Variants in GPR25 observed in about 807,000 individuals in gnomAD.
GPR25 encodes the protein G protein-coupled receptor 25.
For synonymous variants in GPR25, 280 were observed against 264.9 expected, an observed-to-expected ratio of 1.06 and a Z score of -0.55; for missense variants, 501 against 503.0, an observed-to-expected ratio of 1.00 and a Z score of 0.04.
In GPR25 at chr1:200,874,024, G is replaced by A. The variant is rs972963983; in HGVS notation, c.987G>A (p.Leu329=). ...LDGACGRTGR[L]ARRISSASSL... ...GGGCCTGCGGGCGCACCGGCCGCCT[G>A]GCGCGAAGGATCAGCTCAGCCTCCT... The change falls in exon 1 of 1, where the codon CTG becomes CTA. Residue 329 remains leucine, a synonymous_variant. Coordinates refer to ENST00000304244, the MANE Select transcript of GPR25 (RefSeq NM_005298.4). The A allele has an allele frequency of 6.2e-7, 1 of 1,611,470 alleles. No homozygotes were observed. Among genetic ancestry groups the A allele is most frequent in the Non-Finnish European group, 8.5e-7 (1 of 1,179,296 alleles).
chr1:200,873,130 G>A lies in GPR25; in HGVS notation c.93G>A (p.Pro31=). 6 of 1,602,692 alleles carry A rather than the reference G, an allele frequency of 3.7e-6. No individual in the cohort carries two copies. The highest frequency in any genetic ancestry group is 4.2e-6 in the Non-Finnish European group (5 of 1,178,004). ...LDGLEELELC[P]AGDLPYGYVY... ...GCCTGGAGGAGCTGGAGCTGTGTCC[G>A]GCCGGGGACCTGCCCTACGGCTACG... Residue 31 remains proline, a synonymous_variant, in exon 1 of 1, where the codon CCG becomes CCA. Coordinates refer to ENST00000304244, the MANE Select transcript of GPR25 (RefSeq NM_005298.4).
rs1405744968 is a variant in GPR25 at position 200,874,079 on chromosome 1, C to T, written c.1042C>T (p.Arg348Cys). The T allele has an allele frequency of 1.9e-6, 3 of 1,591,490 alleles. No homozygotes were observed. Among genetic ancestry groups the T allele is most frequent in the South Asian group, 2.2e-5 (2 of 88,982 alleles). The change falls in exon 1 of 1, where the codon CGT becomes TGT. Residue 348 changes from arginine (R) to cysteine (C), a missense_variant. Transcript: ENST00000304244. Reference sequence around the variant, plus strand: ...CTCCAGGGACGACAGTTCCGTGTTCCGTTGCCGGGCCCAGGCCGCGAACAC... The same window carrying T: ...CTCCAGGGACGACAGTTCCGTGTTCTGTTGCCGGGCCCAGGCCGCGAACAC... ...SLSRDDSSVFRCRAQAANTAS... is the reference protein window; with the variant it reads ...SLSRDDSSVFCCRAQAANTAS...
In GPR25 at chr1:200,873,736, G is replaced by T. The variant is rs200829877; in HGVS notation, c.699G>T (p.Pro233=). ...CRISRRLRRP[P]HVGRARRNSL... The stretch of plus-strand genomic sequence containing the variant: ...TCTCGCGCCGCCTGCGACGGCCGCC[G>T]CACGTGGGTCGGGCCCGGAGGAACT... Residue 233 remains proline (P), a synonymous_variant, in exon 1 of 1, where the codon CCG becomes CCT. Transcript: ENST00000304244. 4.8e-5 allele frequency: 77 copies of T among 1,597,810 alleles called. No individual in the cohort carries two copies. The highest frequency in any genetic ancestry group is 6.3e-5 in the Non-Finnish European group (74 of 1,178,680).
rs777209519 is a variant in GPR25, at chr1:200,873,201, T to G, written c.164T>G (p.Leu55Arg). 1 of 1,606,138 alleles carries G rather than the reference T, an allele frequency of 6.2e-7. No homozygotes were observed. Among genetic ancestry groups the G allele is most frequent in the South Asian group, 1.1e-5 (1 of 90,422 alleles). Residue 55 changes from leucine to arginine, a missense_variant, in exon 1 of 1, where the codon CTG becomes CGG. Physicochemically the swap from Leu to Arg is moderately radical, Grantham distance 102. Transcript: ENST00000304244. ...CTGGCGGCCTTCGCCGTGGGCCTGCTGGGCAACGCCTTTGTGGTGTGGCTG... is the reference window on the plus strand; with the variant it reads ...CTGGCGGCCTTCGCCGTGGGCCTGCGGGGCAACGCCTTTGTGGTGTGGCTG... The part of the protein sequence containing the change: ...LYLAAFAVGL[L>R]GNAFVVWLLA...
At position 200,872,998 on chromosome 1, in the gene GPR25, C is replaced by T. The variant is rs1263946382; in HGVS notation, c.-40C>T. 7.6e-6 allele frequency: 11 copies of T among 1,444,218 alleles called. No homozygotes were observed. The highest frequency in any genetic ancestry group is 2.8e-5 in the South Asian group (2 of 70,614). The allele number at this position is 1,444,218 out of a possible 1,614,324, so 89.5% of individuals were successfully genotyped here. On this transcript the variant is annotated 5_prime_UTR_variant, in exon 1 of 1. Transcript: ENST00000304244. ...TCCTGCTCAGAGCTGCTGCCGCCTG[C>T]GCCCAGGGCTGCACTCCGCGCAGGC...
chr1:200,873,900 G>C lies in GPR25; in HGVS notation c.863G>C (p.Gly288Ala). ...CCCCTGCTGCTGGCGCTGCGCTGGG[G>C]CCTCACCATTGCCACCTGCCTGGCC... ...PCPLLLALRW[G>A]LTIATCLAFV... The change falls in exon 1 of 1, where the codon GGC (glycine) becomes GCC (alanine). Residue 288 changes from glycine to alanine, a missense_variant. Transcript: ENST00000304244. The C allele has an allele frequency of 6.2e-7, 1 of 1,609,418 alleles. No homozygotes were observed.
In GPR25 at chr1:200,873,718, C is replaced by G. The variant is rs1302534636; in HGVS notation, c.681C>G (p.Arg227=). Residue 227 remains arginine, a synonymous_variant, in exon 1 of 1, where the codon CGC becomes CGG. Transcript: ENST00000304244. The part of the protein sequence containing the change: ...VTLFCYCRIS[R]RLRRPPHVGR... The stretch of plus-strand genomic sequence containing the variant: ...TCTTCTGCTACTGCCGCATCTCGCG[C>G]CGCCTGCGACGGCCGCCGCACGTGG... 1.9e-6 allele frequency: 3 copies of G among 1,597,714 alleles called. No individual in the cohort carries two copies. In the African/African-American group the frequency reaches 4.0e-5, roughly 21 times the overall value.
Position 200,874,112 on chromosome 1 carries a change from G to A in GPR25, c.1075G>A (p.Ala359Thr), listed in dbSNP as rs1436168877. ...GGCCCAGGCCGCGAACACTGCCTCG[G>A]CCTCCTGGTAGCTGCCCCGGGCCGC... is the stretch of plus-strand genomic sequence containing the variant. ...CRAQAANTAS[A>T]SW The change falls in exon 1 of 1, where the codon GCC becomes ACC. Residue 359 changes from alanine to threonine, a missense_variant. Coordinates refer to ENST00000304244, the MANE Select transcript of GPR25 (RefSeq NM_005298.4). The A allele has an allele frequency of 1.3e-6, 2 of 1,553,092 alleles. No homozygotes were observed. Among genetic ancestry groups the A allele is most frequent in the South Asian group, 2.4e-5 (2 of 84,364 alleles).
Position 200,873,413 on chromosome 1 carries a change from G to A in GPR25, c.376G>A (p.Gly126Ser), listed in dbSNP as rs1263383284. 5.3e-6 allele frequency: 8 copies of A among 1,504,014 alleles called. No individual in the cohort carries two copies. Among genetic ancestry groups the A allele is most frequent in the South Asian group, 5.0e-5 (4 of 80,302 alleles). 93.2% of individuals were successfully genotyped at this position (1,504,014 alleles called of 1,614,324 possible). The change falls in exon 1 of 1, where the codon GGC (glycine) becomes AGC (serine). Residue 126 changes from glycine to serine, a missense_variant. Transcript: ENST00000304244. Reference protein sequence around the residue: ...SFALAGTRCAGALLLAGMSVD... With the variant: ...SFALAGTRCASALLLAGMSVD... ...CGCGCTGGCGGGCACGCGCTGCGCGGGCGCGCTGCTGCTGGCGGGCATGAG... is the reference window on the plus strand; with the variant it reads ...CGCGCTGGCGGGCACGCGCTGCGCGAGCGCGCTGCTGCTGGCGGGCATGAG...
rs755195800 is a variant in GPR25 at position 200,873,446 on chromosome 1, C to T, written c.409C>T (p.Arg137Cys). The T allele has an allele frequency of 3.0e-5, 47 of 1,551,776 alleles. No homozygotes were observed. The highest frequency in any genetic ancestry group is 1.9e-4 in the Middle Eastern group (1 of 5,202). Reference protein sequence around the residue: ...ALLLAGMSVDRYLAVVKLLEA... With the variant: ...ALLLAGMSVDCYLAVVKLLEA... ...GCTGCTGGCGGGCATGAGCGTGGAC[C>T]GCTACCTGGCCGTGGTGAAGCTGCT... The change falls in exon 1 of 1, where the codon CGC (arginine) becomes TGC (cysteine). Residue 137 changes from arginine (R) to cysteine (C), a missense_variant. Arg to Cys is a radical substitution (Grantham distance 180). Coordinates refer to ENST00000304244, the MANE Select transcript of GPR25 (RefSeq NM_005298.4).
rs146592622 is a variant in GPR25 at position 200,873,859 on chromosome 1, G to A, written c.822G>A (p.Ala274=). ...RAVFHLARLG[A]LPLPCPLLLA... ...TCTTCCACCTGGCGCGTCTGGGGGCGCTGCCGCTGCCGTGCCCCCTGCTGC... is the reference window on the plus strand; with the variant it reads ...TCTTCCACCTGGCGCGTCTGGGGGCACTGCCGCTGCCGTGCCCCCTGCTGC... Residue 274 remains alanine, a synonymous_variant, in exon 1 of 1, where the codon GCG becomes GCA. Coordinates refer to ENST00000304244, the MANE Select transcript of GPR25 (RefSeq NM_005298.4). The A allele has an allele frequency of 1.2e-6, 2 of 1,603,924 alleles. No individual in the cohort carries two copies. The highest frequency in any genetic ancestry group is 1.7e-6 in the Non-Finnish European group (2 of 1,178,758).
chr1:200,873,575 T>C lies in GPR25; in HGVS notation c.538T>C (p.Leu180=), dbSNP rs1485256888. 1 of 1,581,490 alleles carries C rather than the reference T, an allele frequency of 6.3e-7. No homozygotes were observed. Among genetic ancestry groups the C allele is most frequent in the African/African-American group, 1.3e-5 (1 of 74,448 alleles). Residue 180 remains leucine (L), a synonymous_variant, in exon 1 of 1, where the codon TTG becomes CTG. Coordinates refer to ENST00000304244, the MANE Select transcript of GPR25 (RefSeq NM_005298.4). ...CCTGCCCTCCCTGGTCTACCGGGGGTTGCAGCCCCTGCCTGGGGGCCAGGA... is the reference window on the plus strand; with the variant it reads ...CCTGCCCTCCCTGGTCTACCGGGGGCTGCAGCCCCTGCCTGGGGGCCAGGA... ...AGLPSLVYRG[L]QPLPGGQDSQ... is the part of the protein sequence containing the mutation.
rs1427905231 is a variant in GPR25, at chr1:200,873,971, C to T, written c.934C>T (p.Arg312Cys). The T allele has an allele frequency of 6.2e-7, 1 of 1,612,254 alleles. No homozygotes were observed. The highest frequency in any genetic ancestry group is 8.5e-7 in the Non-Finnish European group (1 of 1,179,616). ...CCCGCTCATCTACCTCCTGCTGGAC[C>T]GCTCATTCCGAGCCCGGGCGCTGGA... ...ANPLIYLLLD[R>C]SFRARALDGA... Residue 312 changes from arginine to cysteine, a missense_variant, in exon 1 of 1, where the codon CGC (arginine) becomes TGC (cysteine). Transcript: ENST00000304244.
chr1:200,873,546 C>A lies in GPR25; in HGVS notation c.509C>A (p.Ala170Asp). ...GGCGTCTGGGCCGTGGCGCTGCTGGCCGGCCTGCCCTCCCTGGTCTACCGG... is the reference window on the plus strand; with the variant it reads ...GGCGTCTGGGCCGTGGCGCTGCTGGACGGCCTGCCCTCCCTGGTCTACCGG... ...CCGVWAVALL[A>D]GLPSLVYRGL... Residue 170 changes from alanine (A) to aspartate (D), a missense_variant, in exon 1 of 1, where the codon GCC (alanine) becomes GAC (aspartate). Coordinates refer to ENST00000304244, the MANE Select transcript of GPR25 (RefSeq NM_005298.4). The A allele has an allele frequency of 6.4e-7, 1 of 1,563,784 alleles. No individual in the cohort carries two copies. Among genetic ancestry groups the A allele is most frequent in the Admixed American group, 1.8e-5 (1 of 55,374 alleles).
Position 200,873,483 on chromosome 1 carries a change from C to T in GPR25, c.446C>T (p.Pro149Leu), listed in dbSNP as rs763608523. 74 of 1,564,398 alleles carry T rather than the reference C, an allele frequency of 4.7e-5. No homozygotes were observed. Among genetic ancestry groups the T allele is most frequent in the South Asian group, 2.3e-4 (20 of 86,964 alleles). ...GTGGTGAAGCTGCTCGAGGCGAGGCCACTGCGCACCCCGCGCTGCGCGCTG... is the reference window on the plus strand; with the variant it reads ...GTGGTGAAGCTGCTCGAGGCGAGGCTACTGCGCACCCCGCGCTGCGCGCTG... The part of the protein sequence containing the change: ...LAVVKLLEAR[P>L]LRTPRCALAS... The change falls in exon 1 of 1, where the codon CCA becomes CTA. Residue 149 changes from proline (P) to leucine (L), a missense_variant. By Grantham distance (98) the Pro-to-Leu change is moderately conservative. Transcript: ENST00000304244.
rs764368444 is a variant in GPR25 at position 200,873,752 on chromosome 1, C to G, written c.715C>G (p.Arg239Gly). 1.3e-5 allele frequency: 21 copies of G among 1,598,546 alleles called. No homozygotes were observed. The South Asian group carries it at 2.0e-4, about 15-fold the overall frequency. Residue 239 changes from arginine to glycine, a missense_variant, in exon 1 of 1, where the codon CGG (arginine) becomes GGG (glycine). Physicochemically the swap from Arg to Gly is moderately radical, Grantham distance 125. Coordinates refer to ENST00000304244, the MANE Select transcript of GPR25 (RefSeq NM_005298.4). ...ACGGCCGCCGCACGTGGGTCGGGCCCGGAGGAACTCGCTGCGCATCATCTT... is the reference window on the plus strand; with the variant it reads ...ACGGCCGCCGCACGTGGGTCGGGCCGGGAGGAACTCGCTGCGCATCATCTT... ...LRRPPHVGRA[R>G]RNSLRIIFAI...
Position 200,873,947 on chromosome 1 carries a change from C to A in GPR25, c.910C>A (p.Pro304Thr). The A allele has an allele frequency of 1.2e-6, 2 of 1,612,070 alleles. No individual in the cohort carries two copies. The highest frequency in any genetic ancestry group is 1.7e-6 in the Non-Finnish European group (2 of 1,179,474). ...GGCCTTCGTCAACAGCTGCGCCAAC[C>A]CGCTCATCTACCTCCTGCTGGACCG... ...CLAFVNSCAN[P>T]LIYLLLDRSF... The change falls in exon 1 of 1, where the codon CCG becomes ACG. Residue 304 changes from proline to threonine, a missense_variant. Pro to Thr is a conservative substitution (Grantham distance 38, BLOSUM62 -1). Transcript: ENST00000304244.
Position 200,873,879 on chromosome 1 carries a change from T to C in GPR25, c.842T>C (p.Leu281Pro). 1.2e-6 allele frequency: 2 copies of C among 1,607,314 alleles called. No individual in the cohort carries two copies. Among genetic ancestry groups the C allele is most frequent in the Non-Finnish European group, 1.7e-6 (2 of 1,178,656 alleles). Reference sequence around the variant, plus strand: ...GGGGCGCTGCCGCTGCCGTGCCCCCTGCTGCTGGCGCTGCGCTGGGGCCTC... The same window carrying C: ...GGGGCGCTGCCGCTGCCGTGCCCCCCGCTGCTGGCGCTGCGCTGGGGCCTC... ...RLGALPLPCPLLLALRWGLTI... is the reference protein window; with the variant it reads ...RLGALPLPCPPLLALRWGLTI... The change falls in exon 1 of 1, where the codon CTG (leucine) becomes CCG (proline). Residue 281 changes from leucine (L) to proline (P), a missense_variant. By Grantham distance (98) the Leu-to-Pro change is moderately conservative. Coordinates refer to ENST00000304244, the MANE Select transcript of GPR25 (RefSeq NM_005298.4).
chr1:200,874,096 C>G lies in GPR25; in HGVS notation c.1059C>G (p.Ala353=). The change falls in exon 1 of 1, where the codon GCC becomes GCG. Residue 353 remains alanine (A), a synonymous_variant. Coordinates refer to ENST00000304244, the MANE Select transcript of GPR25 (RefSeq NM_005298.4). ...CCGTGTTCCGTTGCCGGGCCCAGGC[C>G]GCGAACACTGCCTCGGCCTCCTGGT... ...DSSVFRCRAQ[A]ANTASASW 2 of 1,574,700 alleles carry G rather than the reference C, an allele frequency of 1.3e-6. No homozygotes were observed. Among genetic ancestry groups the G allele is most frequent in the Non-Finnish European group, 1.7e-6 (2 of 1,157,246 alleles).
Sources: allele counts gnomAD v4.1 joint callset, GRCh38; gene constraint gnomAD v4.1.1; transcripts MANE v1.5; gene names NCBI Gene and HGNC (gene_info 2026-07-23, HGNC 2026-07-21).